BTRC: variants seen among roughly 807,000 people sequenced by gnomAD.
BTRC encodes F-box/WD repeat-containing protein 1A.
A neutral mutation model predicts 85.5 loss-of-function variants in BTRC; 42 were observed. That is an observed-to-expected ratio of 0.49 (90% CI 0.38 to 0.64). The LOEUF is 0.64. Ranked by LOEUF, BTRC falls within the 30% of genes least tolerant of loss-of-function variation. BTRC has a pLI of 0.00. For synonymous variants in BTRC, 255 were observed against 263.3 expected, an observed-to-expected ratio of 0.97 and a Z score of 0.30; for missense variants, 594 against 743.5, an observed-to-expected ratio of 0.80 and a Z score of 2.34.
At chr10:101,476,319 C>T (rs1945685513) in intron 3 of BTRC, among the ~76,000 whole-genome samples, 1 of 151,938 alleles carries the variant, frequency 6.6e-6, no homozygotes, top group African/African-American at 2.4e-5. Flanking sequence ...AGAAAAAGGA[C>T]ATTAGTGGAA....
At chr10:101,399,263 A>G (rs1943438490) in intron 1 of BTRC, among the ~76,000 whole-genome samples, 1 of 150,786 alleles carries the variant, frequency 6.6e-6, no homozygotes, top group African/African-American at 2.4e-5. Context: ...CCAGAAACCT[A>G]TTTTTAAAAA....
chr10:101,519,222 GCACC>G (rs1426766492), intron 4 of BTRC, among the ~76,000 whole-genome samples: 6 of 151,958 alleles, frequency 3.9e-5, no homozygotes, highest in Non-Finnish European at 8.8e-5. Context: ...GGGATTACAG[GCACC>G]CGCCACCACA....
chr10:101,541,224 T>A (rs1316201203), intron 13 of BTRC, among the ~76,000 whole-genome samples: 1 of 151,912 alleles, frequency 6.6e-6, no homozygotes, highest in African/African-American at 2.4e-5. Flanking sequence ...CCGTTTCACA[T>A]ATGTGTATAT....
At chr10:101,530,341 C>A (rs2062261272) in intron 6 of BTRC, among the ~76,000 whole-genome samples, 1 of 152,040 alleles carries the variant, frequency 6.6e-6, no homozygotes, top group Non-Finnish European at 1.5e-5. Context: ...TGAATTGCTC[C>A]TTTCAAAGCA....
intron 9 of BTRC, among the ~76,000 whole-genome samples, chr10:101,533,353 C>G (rs913677068): frequency 6.6e-6 from 1 of 152,162 alleles, no homozygotes; most frequent in Non-Finnish European, 1.5e-5. Flanking sequence ...CTTTGCATTC[C>G]TTACAAAAAC....
intron 13 of BTRC, among the ~76,000 whole-genome samples, chr10:101,545,141 A>G (rs1047030318): frequency 4.6e-5 from 7 of 151,632 alleles, no homozygotes; most frequent in African/African-American, 1.7e-4. Context: ...GTTTCTGACT[A>G]GAAGTTGGAA....
chr10:101,354,199 G>T lies in BTRC; in HGVS notation c.19G>T (p.Val7Leu). 1.1e-5 allele frequency: 17 copies of T among 1,549,238 alleles called. No homozygotes were observed. Among genetic ancestry groups the T allele is most frequent in the Non-Finnish European group, 1.5e-5 (17 of 1,146,708 alleles). The change falls in exon 1 of 15, where the codon GTG becomes TTG. Residue 7 changes from valine to leucine, a missense_variant. Physicochemically the swap from Val to Leu is conservative, Grantham distance 32. This residue lies in a region of BTRC where 163 missense variants were observed against 180.5 expected (regional missense o/e 0.90). Transcript: ENST00000370187. ...GGCGATTATGGACCCGGCCGAGGCG[G>T]TGCTGCAAGAGAAGGCACTCAAGTT... Reference protein sequence around the residue: MDPAEAVLQEKALKFMC... With the variant: MDPAEALLQEKALKFMC...
intron 3 of BTRC, among the ~76,000 whole-genome samples, chr10:101,462,402 G>A (rs771277322): frequency 6.6e-6 from 1 of 152,092 alleles, no homozygotes; most frequent in Admixed American, 6.5e-5. Context: ...AACAGCAGCC[G>A]GGCAAGGTGG....
chr10:101,512,434 T>C lies in BTRC; in HGVS notation c.325-9205T>C, dbSNP rs74392447. 4.3e-3 allele frequency among the ~76,000 whole-genome samples: 652 copies of C among 152,330 alleles called. 3 individuals are homozygous for C. Among genetic ancestry groups the C allele is most frequent in the Non-Finnish European group, 6.9e-3 (471 of 68,026 alleles). On this transcript the variant is annotated intron_variant, in intron 4 of 14. Coordinates refer to ENST00000370187, the MANE Select transcript of BTRC (RefSeq NM_033637.4). ...AACCCCAGTACTAAAGAGTGTCCTA[T>C]GTCTGGAATGTCTTTCTCTACTTAC... is the stretch of plus-strand genomic sequence containing the variant.
At chr10:101,549,597 C>T (rs2062614880) in intron 13 of BTRC, among the ~76,000 whole-genome samples, 1 of 151,062 alleles carries the variant, frequency 6.6e-6, no homozygotes, top group Non-Finnish European at 1.5e-5. Flanking sequence ...GCCTGTAGTC[C>T]CAGCTACTCG....
rs572396328 is a variant in BTRC at position 101,516,506 on chromosome 10, C to T, written c.325-5133C>T. Among the ~76,000 whole-genome samples, 123 of 152,094 alleles carry T rather than the reference C, an allele frequency of 8.1e-4. 1 individual carries two copies. The highest frequency in any genetic ancestry group is 2.9e-3 in the African/African-American group (122 of 41,528). On this transcript the variant is annotated intron_variant, in intron 4 of 14. Coordinates refer to ENST00000370187, the MANE Select transcript of BTRC (RefSeq NM_033637.4). ...TCAGGTATGTGTCTTTCTGCCTCAT[C>T]AAAAAAATACTCGTTTTGAGGGGTG...
Position 101,533,050 on chromosome 10 carries a change from A to G in BTRC, c.1077A>G (p.Gly359=). The G allele has an allele frequency of 2.5e-6, 4 of 1,611,636 alleles. No homozygotes were observed. Among genetic ancestry groups the G allele is most frequent in the South Asian group, 1.1e-5 (1 of 91,018 alleles). Residue 359 remains glycine, a synonymous_variant, in exon 9 of 15, where the codon GGA becomes GGG. Transcript: ENST00000370187. ...ATGATGAGAGAGTGATCATAACAGG[A>G]TCATCGGATTCCACGGTCAGGTAGA... ...LQYDERVIIT[G]SSDSTVRVWD...
At position 101,553,989 on chromosome 10, in the gene BTRC, C is replaced by G. The variant is rs940465014; in HGVS notation, c.*866C>G. On this transcript the variant is annotated 3_prime_UTR_variant, in exon 15 of 15. Transcript: ENST00000370187. ...ACAGTGGATTCTCAGACATGATACT[C>G]TCATCATATTTGCAACTCTTCTCTC... 2.6e-5 allele frequency: 4 copies of G among 152,240 alleles called. No homozygotes were observed. The highest frequency in any genetic ancestry group is 4.8e-5 in the African/African-American group (2 of 41,396). The allele number at this position is 152,240 out of a possible 1,614,324, so 9.4% of individuals were successfully genotyped here.
chr10:101,455,756 T>C (rs549524697), intron 2 of BTRC, among the ~76,000 whole-genome samples: 2 of 152,254 alleles, frequency 1.3e-5, no homozygotes, highest in East Asian at 3.9e-4. Context: ...GTTGGCTGTC[T>C]TATGGATGCT....
intron 5 of BTRC, among the ~76,000 whole-genome samples, 171 bp downstream of exon 5, chr10:101,522,041 TTTTTTTTTTG>T (rs2134370848): frequency 8.0e-6 from 1 of 124,808 alleles, no homozygotes; most frequent in Non-Finnish European, 1.7e-5. Context: ...TTTTTTTTTT[TTTTTTTTTTG>T]AGATGGAGTC....
intron 1 of BTRC, among the ~76,000 whole-genome samples, chr10:101,366,957 T>A (rs1254284544): frequency 2.0e-5 from 1 of 50,024 alleles, no homozygotes; most frequent in African/African-American, 6.3e-5. Context: ...TTTATATATA[T>A]ATTTATATAA....
intron 4 of BTRC, among the ~76,000 whole-genome samples, chr10:101,511,819 G>C (rs12773700): frequency 6.6e-6 from 1 of 152,086 alleles, no homozygotes; most frequent in African/African-American, 2.4e-5. Context: ...GAGCCACCGT[G>C]CTGGCTGTAT....
At chr10:101,530,781 T>G (rs1475141590) in intron 6 of BTRC, among the ~76,000 whole-genome samples, 1 of 152,242 alleles carries the variant, frequency 6.6e-6, no homozygotes, top group Non-Finnish European at 1.5e-5. Flanking sequence ...ATGGGACTCC[T>G]GAAATCAGGC....
intron 6 of BTRC, among the ~76,000 whole-genome samples, chr10:101,527,327 C>T (rs141112233): frequency 6.9e-6 from 1 of 144,986 alleles, no homozygotes; most frequent in East Asian, 2.0e-4. Flanking sequence ...ATAATAAATA[C>T]AATGACCTAT....
Sources: gnomAD v4.1 joint callset for allele counts (sites outside exome capture counted in the v4.1 genomes callset) on GRCh38, gnomAD v4.1.1 for gene constraint, gnomAD v4.1.1 regional missense constraint, MANE v1.5 for transcripts, NCBI Gene and HGNC (gene_info 2026-07-23, HGNC 2026-07-21) for gene names.